Variants in ARHGEF10L observed in about 807,000 individuals in gnomAD.
ARHGEF10L encodes rho guanine nucleotide exchange factor 10-like protein.
ARHGEF10L carries 69 observed loss-of-function variants against 141.2 expected under a neutral mutation model. That is an observed-to-expected ratio of 0.49 (90% CI 0.40 to 0.60). The LOEUF is 0.60. Ranked by LOEUF, ARHGEF10L falls within the 20% of genes least tolerant of loss-of-function variation. ARHGEF10L has a pLI of 0.00. For synonymous variants in ARHGEF10L, 711 were observed against 718.5 expected (o/e 0.99, Z 0.17); for missense variants, 1,482 against 1,734.3 (o/e 0.85, Z 2.58).
At chr1:17,584,418 G>A (rs112906115) in intron 2 of ARHGEF10L, among the ~76,000 whole-genome samples, 1,846 of 152,218 alleles carry the variant, frequency 0.012, 39 homozygotes, top group African/African-American at 0.042. Flanking sequence ...CGTGCCTCCT[G>A]TATGCTGGAC....
chr1:17,532,224 T>G, the ARHGEF10L span, among the ~76,000 whole-genome samples: 2 of 152,094 alleles, frequency 1.3e-5, no homozygotes, highest in Non-Finnish European at 1.5e-5. Flanking sequence ...GAACAGGCCC[T>G]CGGCCCTGTC....
At chr1:17,524,511 G>T in the ARHGEF10L span, among the ~76,000 whole-genome samples, 1 of 151,962 alleles carries the variant, frequency 6.6e-6, no homozygotes, top group Non-Finnish European at 1.5e-5. Flanking sequence ...GGTCGAGGCT[G>T]CAGTGAGCCA....
In ARHGEF10L at chr1:17,578,591, G is replaced by A. The variant is rs1006435946; in HGVS notation, c.-43-1962G>A. ...AGTCCCAGCTACTGGGGAGGCTGAG[G>A]CGAGAGGATCACTTGACCCAGGAGT... On this transcript the variant is annotated intron_variant, in intron 1 of 28. Transcript: ENST00000361221. 2.6e-5 allele frequency among the ~76,000 whole-genome samples: 4 copies of A among 152,300 alleles called. 1 individual carries two copies. The South Asian group carries it at 8.3e-4, about 32-fold the overall frequency.
At chr1:17,632,801 C>T (rs896909343) in intron 16 of ARHGEF10L, among the ~76,000 whole-genome samples, 1 of 152,198 alleles carries the variant, frequency 6.6e-6, no homozygotes, top group Non-Finnish European at 1.5e-5. Flanking sequence ...ACCCCAGATC[C>T]CTGCGGCTTT....
chr1:17,656,425 C>A lies in ARHGEF10L; in HGVS notation c.2706-129C>A. 1 of 1,181,248 alleles carries A rather than the reference C, an allele frequency of 8.5e-7. No individual in the cohort carries two copies. Among genetic ancestry groups the A allele is most frequent in the Non-Finnish European group, 1.2e-6 (1 of 830,088 alleles). 73.2% of individuals were successfully genotyped at this position (1,181,248 alleles called of 1,614,324 possible). A position where few individuals can be genotyped will look rare whatever the true frequency, so the allele number is the denominator to read the frequency against. ...CCCGCATGGTGGAGCTATGGCCTGG[C>A]CACACAGCCGAAAGGCGTGGCTGAG... On this transcript the variant is annotated intron_variant, in intron 24 of 28. Transcript: ENST00000361221. This position sits in a 1 kb window ranked among gnomAD's most constrained non-coding sequence, Gnocchi z 4.9.
intron 4 of ARHGEF10L, among the ~76,000 whole-genome samples, chr1:17,594,344 T>C (rs2079874362): frequency 6.6e-6 from 1 of 152,104 alleles, no homozygotes; most frequent in Admixed American, 6.6e-5. Flanking sequence ...TAACCCCAGC[T>C]GGCTTCCAGA....
rs574948339 is a variant in ARHGEF10L, at chr1:17,639,838, G to A, written c.2172-364G>A. 5.9e-6 allele frequency: 8 copies of A among 1,345,604 alleles called. No individual in the cohort carries two copies. Among genetic ancestry groups the A allele is most frequent in the East Asian group, 8.8e-5 (2 of 22,680 alleles). The allele number at this position is 1,345,604 out of a possible 1,614,324, so 83.4% of individuals were successfully genotyped here. On this transcript the variant is annotated intron_variant, in intron 20 of 28. Transcript: ENST00000361221. This position sits in a 1 kb window ranked among gnomAD's most constrained non-coding sequence, Gnocchi z 4.3. ...GACCCATTCCTCCCTCTAGAGGCAC[G>A]TGGTCAGACATGTAAGGTGTCTAAG...
chr1:17,621,902 C>T lies in ARHGEF10L; in HGVS notation c.981C>T (p.Ser327=), dbSNP rs139501792. The part of the protein sequence containing the change: ...RRHILGSIVQ[S]EGSYVESLKR... ...ATATCCTGGGCTCCATCGTGCAGAG[C>T]GAAGGCAGCTACGTGGAGTCTCTGA... Residue 327 remains serine, a synonymous_variant, in exon 11 of 29, where the codon AGC becomes AGT. Transcript: ENST00000361221. The surrounding 1 kb of genome is among the most constrained non-coding windows in gnomAD (Gnocchi z 4.1). The T allele has an allele frequency of 3.2e-5, 51 of 1,614,108 alleles. 1 individual carries two copies. Among genetic ancestry groups the T allele is most frequent in the South Asian group, 1.6e-4 (15 of 91,080 alleles).
rs974923044 is a variant in ARHGEF10L, at chr1:17,573,850, C to T, written c.-43-6703C>T. Among the ~76,000 whole-genome samples the T allele has an allele frequency of 6.7e-6, 1 of 149,786 alleles. No homozygotes were observed. Among genetic ancestry groups the T allele is most frequent in the Non-Finnish European group, 1.5e-5 (1 of 66,664 alleles). On this transcript the variant is annotated intron_variant, in intron 1 of 28. Coordinates refer to ENST00000361221, the MANE Select transcript of ARHGEF10L (RefSeq NM_018125.4). This position sits in a 1 kb window ranked among gnomAD's most constrained non-coding sequence, Gnocchi z 4.8. ...GGTCAGTGCGGGAGGGTGGGTGCCA[C>T]CGACTCTGGGCTCAGGACAGAGTCT...
In ARHGEF10L at chr1:17,624,410, T is replaced by C; in HGVS notation, c.1224T>C (p.Asp408=). Residue 408 remains aspartate, a synonymous_variant, in exon 13 of 29, where the codon GAT becomes GAC. Coordinates refer to ENST00000361221, the MANE Select transcript of ARHGEF10L (RefSeq NM_018125.4). The part of the protein sequence containing the change: ...VASFSKSMVL[D]VYSDYVNNFT... Reference sequence around the variant, plus strand: ...AGTTTTCCAAGTCCATGGTGCTAGATGTGTACAGTGACTACGTGAACAACT... The same window carrying C: ...AGTTTTCCAAGTCCATGGTGCTAGACGTGTACAGTGACTACGTGAACAACT... The C allele has an allele frequency of 6.2e-7, 1 of 1,614,188 alleles. No homozygotes were observed. The highest frequency in any genetic ancestry group is 8.5e-7 in the Non-Finnish European group (1 of 1,180,000).
chr1:17,649,420 G>C (rs1024301842), intron 22 of ARHGEF10L, among the ~76,000 whole-genome samples: 2 of 152,192 alleles, frequency 1.3e-5, no homozygotes, highest in Non-Finnish European at 2.9e-5. Flanking sequence ...TCCAGGGATA[G>C]GAGCACCAGT....
rs115440928 is a variant in ARHGEF10L, at chr1:17,588,124, G to T, written c.224-322G>T. Among the ~76,000 whole-genome samples, 682 of 152,292 alleles carry T rather than the reference G, an allele frequency of 4.5e-3. 8 individuals carry two copies. Among genetic ancestry groups the T allele is most frequent in the African/African-American group, 0.016 (650 of 41,564 alleles). ...GAGAATCTGGGGACTGGACCAGCTG[G>T]AACTTCCTGCAGGCTTGGGGACAGC... On this transcript the variant is annotated intron_variant, in intron 3 of 28. Transcript: ENST00000361221.
intron 1 of ARHGEF10L, among the ~76,000 whole-genome samples, chr1:17,579,270 C>T (rs2078368778): frequency 6.6e-6 from 1 of 151,948 alleles, no homozygotes; most frequent in Admixed American, 6.5e-5. Flanking sequence ...ATCCGCCCAC[C>T]TCAGCCTCCC....
At chr1:17,527,339 A>C in the ARHGEF10L span, among the ~76,000 whole-genome samples, 1 of 152,180 alleles carries the variant, frequency 6.6e-6, no homozygotes, top group Admixed American at 6.5e-5. Flanking sequence ...ACCAGAGAAT[A>C]ATCTCCCTAA....
At chr1:17,622,972 G>T in intron 11 of ARHGEF10L, 24 bp from the exon 12 acceptor site, 1 of 1,601,432 alleles carries the variant, frequency 6.2e-7, no homozygotes. Flanking sequence ...CTGGCCTGCG[G>T]CCTCACCCCG....
intron 1 of ARHGEF10L, among the ~76,000 whole-genome samples, chr1:17,554,828 C>T (rs1379917677): frequency 3.9e-5 from 6 of 152,058 alleles, no homozygotes; most frequent in Non-Finnish European, 1.5e-5. Flanking sequence ...TGCGTTCAAG[C>T]GGTCTTTCTG....
chr1:17,566,909 T>C (rs1352784923), intron 1 of ARHGEF10L, among the ~76,000 whole-genome samples: 3 of 152,142 alleles, frequency 2.0e-5, no homozygotes, highest in Non-Finnish European at 4.4e-5. Flanking sequence ...AGACTGGCTT[T>C]TCTGTCACCC....
In ARHGEF10L at chr1:17,696,852, A is replaced by G. The variant is rs377554271; in HGVS notation, c.3312A>G (p.Lys1104=). The G allele has an allele frequency of 5.3e-5, 81 of 1,532,484 alleles. No homozygotes were observed. Among genetic ancestry groups the G allele is most frequent in the Non-Finnish European group, 6.8e-5 (78 of 1,138,770 alleles). The allele number at this position is 1,532,484 out of a possible 1,614,324, so 94.9% of individuals were successfully genotyped here. The change falls in exon 29 of 29, where the codon AAA becomes AAG. Residue 1104 remains lysine (K), a synonymous_variant. Transcript: ENST00000361221. ...RLEGIPKITG[K]GMVSLNGHCG... ...CTCTCGCCCCATTTTCTGCAGGGAAAGGCATGGTCTCACTCAACGGGCACT... is the reference window on the plus strand; with the variant it reads ...CTCTCGCCCCATTTTCTGCAGGGAAGGGCATGGTCTCACTCAACGGGCACT...
Position 17,625,924 on chromosome 1 carries a change from G to T in ARHGEF10L, c.1318-32G>T. On this transcript the variant is annotated intron_variant, in intron 13 of 28. Transcript: ENST00000361221. The surrounding 1 kb of genome is among the most constrained non-coding windows in gnomAD (Gnocchi z 4.5). ...GGGCACTGGGCCCTCTCTGCAGGGG[G>T]TCAGCGAATGACGGAACCTTGTCTC... is the stretch of plus-strand genomic sequence containing the variant. 6.2e-7 allele frequency: 1 copy of T among 1,602,556 alleles called. No individual in the cohort carries two copies. Among genetic ancestry groups the T allele is most frequent in the Non-Finnish European group, 8.5e-7 (1 of 1,170,156 alleles).
Sources: allele counts gnomAD v4.1 joint callset (sites outside exome capture counted in the v4.1 genomes callset), GRCh38; gene constraint gnomAD v4.1.1; non-coding constraint Gnocchi (gnomAD v3.1); transcripts MANE v1.5; gene names NCBI Gene and HGNC (gene_info 2026-07-23, HGNC 2026-07-21).